Variants in LHFPL6 observed in about 807,000 individuals in gnomAD.
LHFPL6 encodes LHFPL tetraspan subfamily member 6, also known as LHFPL tetraspan subfamily member 6 protein.
A neutral mutation model predicts 20.6 loss-of-function variants in LHFPL6; 9 were observed. The observed-to-expected ratio is 0.44, with a 90% CI of 0.26 to 0.76. The LOEUF (loss-of-function observed/expected upper bound fraction) is 0.76. Among genes scored for constraint, LHFPL6 ranks in the 30% least tolerant of loss-of-function variants. The pLI is 0.20. For synonymous variants in LHFPL6, 105 were observed against 98.7 expected, an observed-to-expected ratio of 1.06 and a Z score of -0.38; for missense variants, 218 against 253.5, an observed-to-expected ratio of 0.86 and a Z score of 0.95.
chr13:39,580,646 T>C (rs371203497), intron 2 of LHFPL6, among the ~76,000 whole-genome samples: 5 of 152,222 alleles, frequency 3.3e-5, no homozygotes, highest in Admixed American at 2.0e-4. Context: ...TAAATATTTA[T>C]GTAACCAACT....
At chr13:39,463,169 T>C (rs1337720899) in intron 2 of LHFPL6, among the ~76,000 whole-genome samples, 1 of 152,176 alleles carries the variant, frequency 6.6e-6, no homozygotes, top group Non-Finnish European at 1.5e-5. Context: ...GAGTACAGAA[T>C]CAACTAGCAA....
chr13:39,395,585 C>A (rs892602507), intron 2 of LHFPL6, among the ~76,000 whole-genome samples: 3 of 152,182 alleles, frequency 2.0e-5, no homozygotes, highest in Non-Finnish European at 4.4e-5. Context: ...TCCATCACTC[C>A]GGGCGGGAGG....
chr13:39,417,381 G>A (rs553060258), intron 2 of LHFPL6, among the ~76,000 whole-genome samples: 2 of 151,130 alleles, frequency 1.3e-5, no homozygotes, highest in African/African-American at 4.9e-5. Context: ...GAGCAACGCT[G>A]TGAGAAGCTG....
intron 3 of LHFPL6, among the ~76,000 whole-genome samples, chr13:39,377,304 T>G (rs1014681645): frequency 6.6e-6 from 1 of 152,240 alleles, no homozygotes; most frequent in Non-Finnish European, 1.5e-5. Context: ...TAAACGAATT[T>G]GTATGCTTTT....
intron 2 of LHFPL6, among the ~76,000 whole-genome samples, chr13:39,410,437 C>T (rs1313441489): frequency 1.3e-5 from 2 of 152,158 alleles, no homozygotes; most frequent in Non-Finnish European, 1.5e-5. Context: ...CCATGGAACA[C>T]CACCACTAAA....
chr13:39,364,566 G>T (rs1193727744), intron 3 of LHFPL6, among the ~76,000 whole-genome samples: 1 of 152,212 alleles, frequency 6.6e-6, no homozygotes, highest in East Asian at 1.9e-4. Flanking sequence ...TCAGCAGGAC[G>T]AGTGGAGCGG....
intron 2 of LHFPL6, among the ~76,000 whole-genome samples, chr13:39,580,819 G>T (rs573888764): frequency 2.0e-5 from 3 of 152,298 alleles, no homozygotes; most frequent in Admixed American, 2.0e-4. Flanking sequence ...CCAAGAGTCT[G>T]TAACTTGTCC....
rs752087532 is a variant in LHFPL6 at position 39,344,089 on chromosome 13, AGATGAG to A, written c.485-41_485-36del. On this transcript the variant is annotated intron_variant, in intron 3 of 3. Transcript: ENST00000379589. ...AAGGAAGGGGAAAGAAGAAAGTCAC[AGATGAG>A]GATGATTTTGCAGCAGGGTTTCTTA... The A allele has an allele frequency of 1.7e-5, 27 of 1,555,536 alleles. No homozygotes were observed. The East Asian group carries it at 6.1e-4, about 35-fold the overall frequency.
Position 39,378,348 on chromosome 13 carries a change from C to T in LHFPL6, c.484+80G>A, listed in dbSNP as rs949603954. ...CCCAGGGAGGTTTTTCTTATCTGTC[C>T]CCTTTCCACTTTCTGCTTCTATGAA... On this transcript the variant is annotated intron_variant, in intron 3 of 3. Transcript: ENST00000379589. 32 of 1,159,010 alleles carry T rather than the reference C, an allele frequency of 2.8e-5. No individual in the cohort carries two copies. In the Admixed American group the frequency reaches 2.9e-4, roughly 11 times the overall value. The allele number at this position is 1,159,010 out of a possible 1,614,324, so 71.8% of individuals were successfully genotyped here.
At chr13:39,580,371 C>T (rs540931327) in intron 2 of LHFPL6, among the ~76,000 whole-genome samples, 1 of 151,920 alleles carries the variant, frequency 6.6e-6, no homozygotes, top group Non-Finnish European at 1.5e-5. Context: ...TCAAATATAT[C>T]TAGTAACACA....
chr13:39,405,920 C>T (rs1871104021), intron 2 of LHFPL6, among the ~76,000 whole-genome samples: 1 of 152,158 alleles, frequency 6.6e-6, no homozygotes, highest in Non-Finnish European at 1.5e-5. Context: ...AACCACAGGA[C>T]TCATCCTATT....
At chr13:39,551,230 G>A (rs1871138035) in intron 2 of LHFPL6, among the ~76,000 whole-genome samples, 1 of 152,134 alleles carries the variant, frequency 6.6e-6, no homozygotes, top group Non-Finnish European at 1.5e-5. Context: ...GCAAGTCCAA[G>A]AGCATGGTGC....
At chr13:39,419,952 A>AT in intron 2 of LHFPL6, among the ~76,000 whole-genome samples, 1 of 152,208 alleles carries the variant, frequency 6.6e-6, no homozygotes, top group Non-Finnish European at 1.5e-5. Flanking sequence ...GAGAATAATG[A>AT]TTTTCAATAA....
At position 39,372,378 on chromosome 13, in the gene LHFPL6, C is replaced by T. The variant is rs1040126166; in HGVS notation, c.484+6050G>A. ...AAATACTTTTCTATACAACTAAGGA[C>T]GATTTTTTTCAAGTATGCTCACTGA... On this transcript the variant is annotated intron_variant, in intron 3 of 3. Transcript: ENST00000379589. Among the ~76,000 whole-genome samples the T allele has an allele frequency of 1.5e-4, 12 of 79,398 alleles. No homozygotes were observed. In the East Asian group the frequency reaches 5.6e-3, roughly 37 times the overall value. The allele number at this position is 79,398 out of a possible 152,430, so 52.1% of individuals were successfully genotyped here.
chr13:39,521,459 G>A (rs1233679009), intron 2 of LHFPL6, among the ~76,000 whole-genome samples: 1 of 152,194 alleles, frequency 6.6e-6, no homozygotes, highest in Non-Finnish European at 1.5e-5. Context: ...TTTAAGATTA[G>A]AATTAGATTT....
At chr13:39,593,822 ACTATCTGAT>A (rs1872686322) in intron 2 of LHFPL6, among the ~76,000 whole-genome samples, 2 of 152,154 alleles carry the variant, frequency 1.3e-5, no homozygotes, top group South Asian at 4.1e-4. Flanking sequence ...CATATCTACA[ACTATCTGAT>A]CTTTGACAAA....
intron 3 of LHFPL6, among the ~76,000 whole-genome samples, chr13:39,365,112 T>A (rs1869976908): frequency 6.6e-6 from 1 of 152,176 alleles, no homozygotes; most frequent in Non-Finnish European, 1.5e-5. Flanking sequence ...TTATAAAGGC[T>A]GGAAATACCT....
chr13:39,411,097 T>C (rs1408696860), intron 2 of LHFPL6, among the ~76,000 whole-genome samples: 1 of 152,230 alleles, frequency 6.6e-6, no homozygotes, highest in Non-Finnish European at 1.5e-5. Flanking sequence ...TCTGCACGGG[T>C]AGTATGATAT....
At position 39,391,001 on chromosome 13, in the gene LHFPL6, C is replaced by CTAAA. The variant is rs1419629077; in HGVS notation, c.386-12479_386-12476dup. Among the ~76,000 whole-genome samples the CTAAA allele has an allele frequency of 3.9e-5, 6 of 152,050 alleles. No homozygotes were observed. The East Asian group carries it at 9.7e-4, about 25-fold the overall frequency. On this transcript the variant is annotated intron_variant, in intron 2 of 3. Coordinates refer to ENST00000379589, the MANE Select transcript of LHFPL6 (RefSeq NM_005780.3). ...GACAGAGCGAGACTCTGTCTCAAAA[C>CTAAA]TAAATAAATAAATAAATAAAATAAG... is the stretch of plus-strand genomic sequence containing the variant.
Sources: allele counts gnomAD v4.1 joint callset (sites outside exome capture counted in the v4.1 genomes callset), GRCh38; gene constraint gnomAD v4.1.1; transcripts MANE v1.5; gene names NCBI Gene and HGNC (gene_info 2026-07-23, HGNC 2026-07-21).